Variants in ADGRL3 observed in about 807,000 individuals in gnomAD.
The protein encoded by ADGRL3 is calcium-independent alpha-latrotoxin receptor 3.
In ADGRL3, 62 loss-of-function variants were observed where a neutral mutation model predicts 153.5. The observed-to-expected ratio is 0.40, with a 90% CI of 0.33 to 0.50. The LOEUF (loss-of-function observed/expected upper bound fraction) is 0.50. Ranked by LOEUF, ADGRL3 falls within the 20% of genes least tolerant of loss-of-function variation. ADGRL3 has a pLI of 0.47. For missense variants in ADGRL3, 1,641 were observed against 1,859.4 expected, an observed-to-expected ratio of 0.88 and a Z score of 2.16; for synonymous variants, 710 against 672.5, an observed-to-expected ratio of 1.06 and a Z score of -0.86.
chr4:61,841,068 G>A (rs2098023647), intron 9 of ADGRL3, among the ~76,000 whole-genome samples: 1 of 152,078 alleles, frequency 6.6e-6, no homozygotes, highest in Admixed American at 6.6e-5. Context: ...GGTTTGTAAA[G>A]CTATAAACTC....
chr4:62,033,410 T>C lies in ADGRL3; in HGVS notation c.3591+1800T>C, dbSNP rs550628706. Among the ~76,000 whole-genome samples, 146 of 151,732 alleles carry C rather than the reference T, an allele frequency of 9.6e-4. 1 individual carries two copies. The highest frequency in any genetic ancestry group is 1.8e-3 in the Non-Finnish European group (122 of 67,736). On this transcript the variant is annotated intron_variant, in intron 23 of 26. Transcript: ENST00000683033. ...TGCCACACTTAATGTATTTAAAGAA[T>C]AGGAGACATGTAAATGGTGAGTGAG...
At chr4:61,474,457 A>G (rs186324817) in intron 2 of ADGRL3, among the ~76,000 whole-genome samples, 1 of 152,250 alleles carries the variant, frequency 6.6e-6, no homozygotes, top group Admixed American at 6.5e-5. Flanking sequence ...CACTGAGGTA[A>G]TTTATTTATT....
intron 1 of ADGRL3, among the ~76,000 whole-genome samples, chr4:61,300,911 C>T (rs2094562623): frequency 6.6e-6 from 1 of 151,774 alleles, no homozygotes; most frequent in African/African-American, 2.4e-5. Flanking sequence ...ATTACAAGCG[C>T]CCACCACCAC....
At chr4:61,851,589 CAAAAAA>C (rs759990537) in intron 9 of ADGRL3, among the ~76,000 whole-genome samples, 6 of 55,226 alleles carry the variant, frequency 1.1e-4, no homozygotes, top group Admixed American at 2.1e-4. Context: ...GACCATGTCT[CAAAAAA>C]AAAAAAAAAA....
intron 4 of ADGRL3, among the ~76,000 whole-genome samples, chr4:61,564,820 G>T (rs1365015861): frequency 6.6e-6 from 1 of 152,104 alleles, no homozygotes; most frequent in East Asian, 1.9e-4. Flanking sequence ...TTCAGTAATT[G>T]TTTTGTCTCT....
chr4:61,436,454 G>A (rs954418570), intron 2 of ADGRL3, among the ~76,000 whole-genome samples: 14 of 152,186 alleles, frequency 9.2e-5, no homozygotes, highest in Non-Finnish European at 5.9e-5. Context: ...GGAGCTCATA[G>A]TCTAGTAGGG....
At chr4:61,754,511 A>G (rs2096796203) in intron 8 of ADGRL3, among the ~76,000 whole-genome samples, 1 of 151,994 alleles carries the variant, frequency 6.6e-6, no homozygotes, top group African/African-American at 2.4e-5. Context: ...AATATTCCTT[A>G]TGAGTTCATT....
chr4:61,203,053 C>G (rs1486899629), intron 1 of ADGRL3, among the ~76,000 whole-genome samples: 1 of 152,178 alleles, frequency 6.6e-6, no homozygotes, highest in Non-Finnish European at 1.5e-5. Flanking sequence ...GACATGCGTG[C>G]GGCGCGTGAG....
At chr4:61,240,187 A>T (rs1231161117) in intron 1 of ADGRL3, among the ~76,000 whole-genome samples, 1 of 152,066 alleles carries the variant, frequency 6.6e-6, no homozygotes, top group Non-Finnish European at 1.5e-5. Context: ...AAGGGTGAAT[A>T]CTGTATCCTC....
At chr4:61,581,800 C>G (rs1394603468) in intron 4 of ADGRL3, among the ~76,000 whole-genome samples, 1 of 152,170 alleles carries the variant, frequency 6.6e-6, no homozygotes, top group East Asian at 1.9e-4. Flanking sequence ...TCTTGTCACT[C>G]TCTCCCTTAC....
chr4:61,967,859 A>T (rs2099012522), intron 17 of ADGRL3, among the ~76,000 whole-genome samples: 1 of 152,200 alleles, frequency 6.6e-6, no homozygotes, highest in Non-Finnish European at 1.5e-5. Context: ...CAGACTGGTT[A>T]ATTTATAAAA....
chr4:61,604,664 T>G (rs2099024973), intron 5 of ADGRL3, among the ~76,000 whole-genome samples: 1 of 152,200 alleles, frequency 6.6e-6, no homozygotes, highest in African/African-American at 2.4e-5. Flanking sequence ...GTCCTAACAT[T>G]TCTTGTTTTT....
At chr4:61,929,214 G>A (rs1019979181) in intron 13 of ADGRL3, among the ~76,000 whole-genome samples, 2 of 152,062 alleles carry the variant, frequency 1.3e-5, no homozygotes, top group African/African-American at 4.8e-5. Context: ...CCTTACAAAG[G>A]AGGCCCGAGA....
intron 21 of ADGRL3, among the ~76,000 whole-genome samples, chr4:62,019,985 C>G (rs547144849): frequency 3.2e-4 from 49 of 152,198 alleles, no homozygotes; most frequent in African/African-American, 1.1e-3. Flanking sequence ...ATAAACCTTG[C>G]CTGCTTCCAA....
chr4:61,914,848 T>C (rs1489544169), intron 13 of ADGRL3, among the ~76,000 whole-genome samples: 1 of 152,076 alleles, frequency 6.6e-6, no homozygotes. Flanking sequence ...GAGAGTTACC[T>C]TCCTGCTTTT....
intron 5 of ADGRL3, among the ~76,000 whole-genome samples, chr4:61,604,946 C>T (rs972924812): frequency 1.3e-5 from 2 of 151,640 alleles, no homozygotes; most frequent in African/African-American, 2.4e-5. Context: ...AAAACTTAGC[C>T]GGGTGTGGTG....
At chr4:62,069,272 A>G (rs1480008832) in intron 26 of ADGRL3, among the ~76,000 whole-genome samples, 2 of 152,180 alleles carry the variant, frequency 1.3e-5, no homozygotes, top group African/African-American at 4.8e-5. Context: ...TGGTAACATT[A>G]ATACTGACAC....
rs888436554 is a variant in ADGRL3, at chr4:62,076,232, T to C, written c.*5324T>C. 9 of 152,122 alleles carry C rather than the reference T, an allele frequency of 5.9e-5. No individual in the cohort carries two copies. Among genetic ancestry groups the C allele is most frequent in the Admixed American group, 5.2e-4 (8 of 15,262 alleles). 9.4% of individuals were successfully genotyped at this position (152,122 alleles called of 1,614,324 possible). A position where few individuals can be genotyped will look rare whatever the true frequency, so the allele number is the denominator to read the frequency against. ...CCTATAAGTTACTATTCAAATGTCT[T>C]GATTTCAGCTAAGTTTTGATGTTTC... On this transcript the variant is annotated 3_prime_UTR_variant, in exon 27 of 27. Transcript: ENST00000683033.
At chr4:61,941,359 G>T (rs1241982888) in intron 15 of ADGRL3, among the ~76,000 whole-genome samples, 1 of 95,512 alleles carries the variant, frequency 1.0e-5, no homozygotes, top group African/African-American at 4.3e-5. Flanking sequence ...TTGAAGTCAG[G>T]TAGTGTGATG....
Sources: allele counts gnomAD v4.1 joint callset (sites outside exome capture counted in the v4.1 genomes callset), GRCh38; gene constraint gnomAD v4.1.1; transcripts MANE v1.5; gene names NCBI Gene and HGNC (gene_info 2026-07-23, HGNC 2026-07-21).